The following ABTB3 variants were observed in gnomAD, a reference collection of about 807,000 sequenced individuals.
ABTB3 encodes ankyrin repeat and BTB domain containing 3, also known as ankyrin repeat- and BTB/POZ domain-containing protein 3.
chr12:107,582,004 T>C, the ABTB3 span, among the ~76,000 whole-genome samples: 1 of 152,220 alleles, frequency 6.6e-6, no homozygotes, highest in East Asian at 1.9e-4. Flanking sequence ...CAGGTGTCAT[T>C]GTCATCATTT....
chr12:107,612,067 T>A, the ABTB3 span, among the ~76,000 whole-genome samples: 1 of 152,266 alleles, frequency 6.6e-6, no homozygotes, highest in Non-Finnish European at 1.5e-5. Flanking sequence ...ATATCTCTAA[T>A]CAAACTAGAA....
chr12:107,336,746 C>T, the ABTB3 span, among the ~76,000 whole-genome samples: 13 of 152,216 alleles, frequency 8.5e-5, no homozygotes, highest in Non-Finnish European at 2.9e-5. Context: ...TACTGTTCAG[C>T]GGATGACACC....
At chr12:107,592,817 G>A in the ABTB3 span, among the ~76,000 whole-genome samples, 1 of 152,150 alleles carries the variant, frequency 6.6e-6, no homozygotes, top group Non-Finnish European at 1.5e-5. Flanking sequence ...GGGGTGCAGG[G>A]GCCTTTGTGT....
At chr12:107,506,967 T>C in the ABTB3 span, among the ~76,000 whole-genome samples, 4 of 152,218 alleles carry the variant, frequency 2.6e-5, no homozygotes, top group African/African-American at 7.2e-5. Flanking sequence ...GTTTTATCTC[T>C]TTCTTATTAT....
At chr12:107,573,403 C>CGGAT in the ABTB3 span, among the ~76,000 whole-genome samples, 1 of 151,656 alleles carries the variant, frequency 6.6e-6, no homozygotes, top group Admixed American at 6.6e-5. Flanking sequence ...GGAGATTGGA[C>CGGAT]GGATGGATGG....
the ABTB3 span, among the ~76,000 whole-genome samples, chr12:107,423,494 G>A: frequency 6.6e-6 from 1 of 152,190 alleles, no homozygotes; most frequent in Non-Finnish European, 1.5e-5. Flanking sequence ...TCAGACAGGA[G>A]AGCACACTGT....
the ABTB3 span, among the ~76,000 whole-genome samples, chr12:107,341,638 TCAG>T: frequency 6.6e-6 from 1 of 152,196 alleles, no homozygotes; most frequent in Non-Finnish European, 1.5e-5. Context: ...TGGATGCTAC[TCAG>T]TGGAACCCAG....
At chr12:107,435,476 T>C in the ABTB3 span, among the ~76,000 whole-genome samples, 4 of 152,254 alleles carry the variant, frequency 2.6e-5, no homozygotes, top group African/African-American at 7.2e-5. Context: ...TTGTTGACAA[T>C]CTTGCTTCTC....
the ABTB3 span, chr12:107,319,787 G>A: frequency 5.3e-5 from 77 of 1,452,816 alleles, no homozygotes; most frequent in Middle Eastern, 2.4e-4. Context: ...TGCGGCCCCC[G>A]CGGCGGATAA....
chr12:107,637,406 A>G, the ABTB3 span, among the ~76,000 whole-genome samples: 2 of 152,182 alleles, frequency 1.3e-5, no homozygotes, highest in Non-Finnish European at 2.9e-5. Context: ...AATTTAAAAA[A>G]AAAATGTTTT....
chr12:107,569,926 A>T, the ABTB3 span, among the ~76,000 whole-genome samples: 4 of 152,218 alleles, frequency 2.6e-5, no homozygotes, highest in Non-Finnish European at 5.9e-5. Flanking sequence ...CTGCTTGGGC[A>T]CCAGCCATCA....
the ABTB3 span, among the ~76,000 whole-genome samples, chr12:107,450,999 T>C: frequency 6.6e-6 from 1 of 152,018 alleles, no homozygotes; most frequent in Non-Finnish European, 1.5e-5. Context: ...TTTAAATGCA[T>C]GTGAAGTATT....
chr12:107,633,245 G>T, the ABTB3 span, among the ~76,000 whole-genome samples: 2 of 152,286 alleles, frequency 1.3e-5, no homozygotes, highest in Admixed American at 1.3e-4. Context: ...CTTCTACCAC[G>T]TGAGGACATA....
the ABTB3 span, among the ~76,000 whole-genome samples, chr12:107,323,857 A>G: frequency 3.9e-5 from 6 of 152,160 alleles, no homozygotes; most frequent in Non-Finnish European, 7.4e-5. Flanking sequence ...GATACTCTCT[A>G]CTGCTTGTTA....
the ABTB3 span, among the ~76,000 whole-genome samples, chr12:107,403,279 C>G: frequency 6.6e-6 from 1 of 152,166 alleles, no homozygotes; most frequent in Non-Finnish European, 1.5e-5. Context: ...AGTGACAGAC[C>G]TGAACTTGCA....
At chr12:107,571,621 C>T in the ABTB3 span, among the ~76,000 whole-genome samples, 3 of 152,240 alleles carry the variant, frequency 2.0e-5, no homozygotes, top group Non-Finnish European at 4.4e-5. Context: ...CCCAAGCCTG[C>T]AAGGCGTGTT....
the ABTB3 span, among the ~76,000 whole-genome samples, chr12:107,322,519 C>T: frequency 6.6e-6 from 1 of 152,180 alleles, no homozygotes; most frequent in Non-Finnish European, 1.5e-5. Flanking sequence ...TTATTAAGGA[C>T]AACATACCTT....
the ABTB3 span, among the ~76,000 whole-genome samples, chr12:107,645,600 C>T: frequency 6.6e-6 from 1 of 152,196 alleles, no homozygotes; most frequent in African/African-American, 2.4e-5. Context: ...TTGTCTGGAG[C>T]ATGAGCTGGA....
the ABTB3 span, among the ~76,000 whole-genome samples, chr12:107,656,846 G>C: frequency 1.3e-5 from 2 of 152,152 alleles, no homozygotes; most frequent in Non-Finnish European, 2.9e-5. Flanking sequence ...GTGATTCTAA[G>C]AGCAGGATTC....
Sources: gnomAD v4.1 joint callset for allele counts (sites outside exome capture counted in the v4.1 genomes callset) on GRCh38, gnomAD v4.1.1 for gene constraint, MANE v1.5 for transcripts, NCBI Gene and HGNC (gene_info 2026-07-23, HGNC 2026-07-21) for gene names.